SYNPR: variants seen among roughly 807,000 people sequenced by gnomAD.
SYNPR encodes the protein synaptoporin.
Under a neutral mutation model 32.9 loss-of-function variants are expected in SYNPR, and 23 were observed. The observed-to-expected ratio is 0.70, with a 90% CI of 0.50 to 0.99. The LOEUF (loss-of-function observed/expected upper bound fraction) is 0.99. Ranked by LOEUF, SYNPR falls within the 50% of genes least tolerant of loss-of-function variation. The probability of loss-of-function intolerance (pLI) is 0.00; values close to 1 mark genes in which losing one functional copy is unlikely to be tolerated. For synonymous variants in SYNPR, 146 were observed against 135.9 expected, an observed-to-expected ratio of 1.07 and a Z score of -0.52; for missense variants, 318 against 349.3, an observed-to-expected ratio of 0.91 and a Z score of 0.71.
intron 2 of SYNPR, among the ~76,000 whole-genome samples, chr3:63,254,878 A>C (rs1162066550): frequency 6.6e-6 from 1 of 152,206 alleles, no homozygotes; most frequent in African/African-American, 2.4e-5. Flanking sequence ...TCTTCTTATA[A>C]GAATGGCCCA....
rs1491071364 is a variant in SYNPR, at chr3:63,403,469, CAT to C, written c.85-77361_85-77360del. On this transcript the variant is annotated intron_variant, in intron 2 of 5. Coordinates refer to ENST00000478300, the MANE Select transcript of SYNPR (RefSeq NM_001130003.2). ...ACACACACACACACACACACACACA[CAT>C]AGAGAGAGAGGATGAGACAGAGGCA... Among the ~76,000 whole-genome samples the C allele has an allele frequency of 8.2e-4, 123 of 149,616 alleles. 1 individual carries two copies. The highest frequency in any genetic ancestry group is 2.9e-3 in the African/African-American group (117 of 39,662).
chr3:63,231,929 C>T (rs1192236058), intron 1 of SYNPR, among the ~76,000 whole-genome samples: 3 of 152,132 alleles, frequency 2.0e-5, no homozygotes, highest in African/African-American at 7.2e-5. Flanking sequence ...CAGTGAACCC[C>T]GCTGTTGTTC....
upstream of SYNPR, among the ~76,000 whole-genome samples, chr3:63,274,673 A>G (rs1317165453): frequency 2.0e-5 from 3 of 152,212 alleles, no homozygotes; most frequent in Non-Finnish European, 2.9e-5. Context: ...CCAGGGCACA[A>G]TAGGCACTCA....
At chr3:63,425,011 C>T (rs2107136483) in intron 2 of SYNPR, among the ~76,000 whole-genome samples, 1 of 152,300 alleles carries the variant, frequency 6.6e-6, no homozygotes, top group South Asian at 2.1e-4. Flanking sequence ...ACATTAGATC[C>T]ATCCTGTTAG....
intron 2 of SYNPR, among the ~76,000 whole-genome samples, chr3:63,263,308 G>GC (rs2086454677): frequency 6.6e-6 from 1 of 152,176 alleles, no homozygotes; most frequent in Non-Finnish European, 1.5e-5. Flanking sequence ...TGATCTCAAA[G>GC]ATTCTTTAGC....
intron 2 of SYNPR, among the ~76,000 whole-genome samples, chr3:63,453,136 A>C (rs1421300276): frequency 6.6e-6 from 1 of 152,180 alleles, no homozygotes; most frequent in Non-Finnish European, 1.5e-5. Context: ...ATTTGCATAC[A>C]CACTTATGTT....
intron 2 of SYNPR, chr3:63,443,152 C>G: frequency 1.7e-6 from 2 of 1,165,878 alleles, no homozygotes; most frequent in Non-Finnish European, 2.1e-6. Context: ...CACCTCCCCA[C>G]CAAGCAGGCA....
At chr3:63,455,136 A>G (rs1419980303) in intron 2 of SYNPR, among the ~76,000 whole-genome samples, 1 of 152,136 alleles carries the variant, frequency 6.6e-6, no homozygotes, top group Non-Finnish European at 1.5e-5. Flanking sequence ...CTAAGTGTCC[A>G]ATAGGTACCT....
chr3:63,445,595 C>A (rs1356533118), intron 2 of SYNPR: 5 of 697,610 alleles, frequency 7.2e-6, no homozygotes, highest in Non-Finnish European at 1.3e-5. Context: ...ATCCTATATG[C>A]CTGGCACTGT....
chr3:63,239,764 C>T (rs370082199), intron 1 of SYNPR, among the ~76,000 whole-genome samples: 2 of 151,700 alleles, frequency 1.3e-5, no homozygotes, highest in Non-Finnish European at 2.9e-5. Context: ...ATCATACCCT[C>T]ATCCTACCAT....
At chr3:63,511,993 T>C (rs1455870129) in intron 3 of SYNPR, among the ~76,000 whole-genome samples, 1 of 152,120 alleles carries the variant, frequency 6.6e-6, no homozygotes, top group Non-Finnish European at 1.5e-5. Context: ...TGCTATTCTT[T>C]CTAGATTTTT....
chr3:63,604,622 T>C (rs944339021), intron 4 of SYNPR, among the ~76,000 whole-genome samples: 10 of 152,222 alleles, frequency 6.6e-5, no homozygotes, highest in Admixed American at 6.5e-4. Context: ...AGGAGCAGGC[T>C]GTTTAATTTC....
chr3:63,291,391 G>C (rs979052752), intron 2 of SYNPR, among the ~76,000 whole-genome samples: 4 of 71,304 alleles, frequency 5.6e-5, no homozygotes, highest in Non-Finnish European at 8.6e-5. Flanking sequence ...CACTTTATCA[G>C]AGAGGGCTCG....
At chr3:63,417,096 G>A (rs564561673) in intron 2 of SYNPR, among the ~76,000 whole-genome samples, 3 of 152,176 alleles carry the variant, frequency 2.0e-5, no homozygotes, top group East Asian at 1.9e-4. Context: ...TTCCACTTAT[G>A]AGCTTGTAAA....
chr3:63,295,153 G>A (rs1341538371), intron 2 of SYNPR, among the ~76,000 whole-genome samples: 1 of 151,992 alleles, frequency 6.6e-6, no homozygotes, highest in African/African-American at 2.4e-5. Flanking sequence ...TTATGGATTC[G>A]CTTAGCCTCT....
At chr3:63,219,654 G>A in the SYNPR span, among the ~76,000 whole-genome samples, 3 of 152,036 alleles carry the variant, frequency 2.0e-5, no homozygotes, top group East Asian at 1.9e-4. Context: ...TATATATACT[G>A]TATTATCGCA....
At chr3:63,509,996 A>T (rs886796168) in intron 3 of SYNPR, among the ~76,000 whole-genome samples, 5 of 150,502 alleles carry the variant, frequency 3.3e-5, no homozygotes, top group Admixed American at 3.3e-4. Context: ...TTCCTTTCTC[A>T]TGACTACTAA....
At chr3:63,268,662 G>T (rs1305902189) in intron 3 of SYNPR, among the ~76,000 whole-genome samples, 1 of 151,196 alleles carries the variant, frequency 6.6e-6, no homozygotes, top group Admixed American at 6.6e-5. Context: ...TGAGTAAGCT[G>T]AAGGAGGAGG....
At chr3:63,497,358 C>A (rs1701391692) in intron 3 of SYNPR, among the ~76,000 whole-genome samples, 1 of 152,110 alleles carries the variant, frequency 6.6e-6, no homozygotes. Flanking sequence ...CTCACAGATA[C>A]AACGTATGGT....
Sources: gnomAD v4.1 joint callset for allele counts (sites outside exome capture counted in the v4.1 genomes callset) on GRCh38, gnomAD v4.1.1 for gene constraint, MANE v1.5 for transcripts, NCBI Gene and HGNC (gene_info 2026-07-23, HGNC 2026-07-21) for gene names.